Variants in TRRAP observed in about 807,000 individuals in gnomAD.
TRRAP encodes the protein transformation/transcription domain associated protein.
In TRRAP, 41 loss-of-function variants were observed where a neutral mutation model predicts 438.8. The observed-to-expected ratio is 0.09, with a 90% CI of 0.07 to 0.12. The LOEUF (loss-of-function observed/expected upper bound fraction) is 0.12, where lower values mean the gene tolerates loss of function less well. TRRAP is among the 10% of genes least tolerant of loss of function. TRRAP has a pLI of 1.00. For synonymous variants in TRRAP, 1,994 were observed against 1,962.9 expected (o/e 1.02, Z -0.42); for missense variants, 3,122 against 5,055.1 (o/e 0.62, Z 11.60).
chr7:98,904,483 CAAAAAAAAAA>C (rs59353514), intron 12 of TRRAP, among the ~76,000 whole-genome samples: 9 of 45,564 alleles, frequency 2.0e-4, no homozygotes, highest in African/African-American at 6.3e-4. Flanking sequence ...GACTCTGTCT[CAAAAAAAAAA>C]AAAAAAAAAA....
intron 45 of TRRAP, among the ~76,000 whole-genome samples, chr7:98,960,665 C>T (rs1399218247): frequency 2.0e-5 from 3 of 152,124 alleles, no homozygotes; most frequent in Non-Finnish European, 4.4e-5. Flanking sequence ...AGTCTTGGCT[C>T]ACTGCAACCT....
At chr7:98,973,298 G>GA (rs1024288526) in intron 53 of TRRAP, among the ~76,000 whole-genome samples, 4 of 152,026 alleles carry the variant, frequency 2.6e-5, no homozygotes, top group African/African-American at 9.7e-5. Context: ...GCCACCACCA[G>GA]AAAAAAGGGC....
At chr7:98,949,391 G>A (rs782100750) in intron 35 of TRRAP, 26 bp from the exon 36 acceptor site, 15 of 1,492,518 alleles carry the variant, frequency 1.0e-5, no homozygotes, top group South Asian at 4.3e-5. Context: ...AGCTTAAAAC[G>A]GCTTTTCTAT....
Position 98,984,076 on chromosome 7 carries a change from C to G in TRRAP, c.9023-17C>G. ...GAGGATCGGTGTGGGCTAATGATTC[C>G]TTTCTTTGCCCTCTAGCGATTGTAA... On this transcript the variant is annotated splice_polypyrimidine_tract_variant and intron_variant, in intron 60 of 72. Transcript: ENST00000456197. 1.3e-6 allele frequency: 2 copies of G among 1,565,388 alleles called. No individual in the cohort carries two copies. Among genetic ancestry groups the G allele is most frequent in the East Asian group, 2.3e-5 (1 of 43,910 alleles).
At position 98,961,332 on chromosome 7, in the gene TRRAP, C is replaced by T. The variant is rs1352368934; in HGVS notation, c.6561C>T (p.Val2187=). The change falls in exon 46 of 73, where the codon GTC becomes GTT. Residue 2187 remains valine, a synonymous_variant. Coordinates refer to ENST00000456197, the MANE Select transcript of TRRAP (RefSeq NM_001375524.1). ...GLEVLSFLLT[V]LQSPAILSSF... ...AAGTGCTGAGCTTCCTGCTAACTGT[C>T]CTCCAGTCCCCAGCCATCCTCAGTA... 2 of 1,614,238 alleles carry T rather than the reference C, an allele frequency of 1.2e-6. No homozygotes were observed. Among genetic ancestry groups the T allele is most frequent in the Admixed American group, 1.7e-5 (1 of 60,030 alleles).
chr7:98,898,935 C>G (rs1385894686), intron 8 of TRRAP, among the ~76,000 whole-genome samples: 1 of 152,210 alleles, frequency 6.6e-6, no homozygotes, highest in Non-Finnish European at 1.5e-5. Flanking sequence ...CACCTGTAAT[C>G]CCAGCACTTC....
At chr7:98,958,200 C>A in intron 44 of TRRAP, 109 bp downstream of exon 44, 2 of 889,144 alleles carry the variant, frequency 2.2e-6, no homozygotes, top group Non-Finnish European at 3.4e-6. Flanking sequence ...ACAGACAAAC[C>A]AAGGTCTGCC....
At chr7:98,920,531 C>T (rs538766615) in intron 20 of TRRAP, among the ~76,000 whole-genome samples, 2 of 152,012 alleles carry the variant, frequency 1.3e-5, no homozygotes, top group East Asian at 3.9e-4. Flanking sequence ...TTTTTAGGAC[C>T]TCTGATAATT....
At chr7:99,006,793 A>G (rs1448624310) in intron 69 of TRRAP, among the ~76,000 whole-genome samples, 2 of 152,252 alleles carry the variant, frequency 1.3e-5, no homozygotes, top group Admixed American at 6.5e-5. Flanking sequence ...ATATCTGAAT[A>G]TTCCCTGAAC....
Position 98,949,531 on chromosome 7 carries a change from T to C in TRRAP, c.4903T>C (p.Ser1635Pro). 6.2e-7 allele frequency: 1 copy of C among 1,604,958 alleles called. No homozygotes were observed. The highest frequency in any genetic ancestry group is 8.5e-7 in the Non-Finnish European group (1 of 1,176,112). ...GGAQTAVRPG[S>P]PSTSTMRLDL... The stretch of plus-strand genomic sequence containing the variant: ...TGCCCAGACGGCTGTGCGCCCCGGT[T>C]CGCCCAGCACCAGCACCATGCGCCT... Residue 1635 changes from serine to proline, a missense_variant, in exon 36 of 73, where the codon TCG (serine) becomes CCG (proline). Physicochemically the swap from Ser to Pro is moderately conservative, Grantham distance 74 (BLOSUM62 -1). Coordinates refer to ENST00000456197, the MANE Select transcript of TRRAP (RefSeq NM_001375524.1).
Position 98,908,971 on chromosome 7 carries a change from T to C in TRRAP, c.1350+9T>C. On this transcript the variant is annotated intron_variant, in intron 14 of 72. Transcript: ENST00000456197. This position sits in a 1 kb window ranked among gnomAD's most constrained non-coding sequence, Gnocchi z 4.1. Reference sequence around the variant, plus strand: ...TGATGCGGATGCTGGAGGTACCAGCTCTTCTGAGAGTATCATCCATCCTGC... The same window carrying C: ...TGATGCGGATGCTGGAGGTACCAGCCCTTCTGAGAGTATCATCCATCCTGC... The C allele has an allele frequency of 6.2e-7, 1 of 1,609,022 alleles. No homozygotes were observed. Among genetic ancestry groups the C allele is most frequent in the Non-Finnish European group, 8.5e-7 (1 of 1,177,146 alleles).
intron 23 of TRRAP, among the ~76,000 whole-genome samples, chr7:98,928,546 C>T (rs1278369908): frequency 1.3e-5 from 2 of 152,180 alleles, no homozygotes; most frequent in Non-Finnish European, 2.9e-5. Flanking sequence ...AACTAAGCTT[C>T]TCAGTAACTT....
chr7:98,900,251 CTG>C (rs2116348359), intron 10 of TRRAP, among the ~76,000 whole-genome samples: 1 of 152,248 alleles, frequency 6.6e-6, no homozygotes, highest in Admixed American at 6.5e-5. Flanking sequence ...GCCCGTCTGG[CTG>C]TGTCATTTGA....
chr7:98,962,645 T>G (rs1791963576), intron 47 of TRRAP, among the ~76,000 whole-genome samples: 1 of 152,240 alleles, frequency 6.6e-6, no homozygotes, highest in Non-Finnish European at 1.5e-5. Flanking sequence ...CTCCTCAGCT[T>G]CCAGCACAGG....
Position 98,927,207 on chromosome 7 carries a change from C to A in TRRAP, c.3016C>A (p.Arg1006Ser). 6.2e-7 allele frequency: 1 copy of A among 1,614,220 alleles called. No individual in the cohort carries two copies. The highest frequency in any genetic ancestry group is 8.5e-7 in the Non-Finnish European group (1 of 1,180,042). ...CATCCCCAATGTTATCATCTCACAT[C>A]GCTACAAAGCCCAGGACACTCCAGC... ...KTIPNVIISH[R>S]YKAQDTPARK... is the part of the protein sequence containing the mutation. The change falls in exon 23 of 73, where the codon CGC becomes AGC. Residue 1006 changes from arginine to serine, a missense_variant. This residue lies in a region of TRRAP where 133 missense variants were observed against 188.6 expected (regional missense o/e 0.71). Coordinates refer to ENST00000456197, the MANE Select transcript of TRRAP (RefSeq NM_001375524.1).
intron 20 of TRRAP, 26 bp from the exon 21 acceptor site, chr7:98,921,727 C>G: frequency 6.2e-7 from 1 of 1,613,338 alleles, no homozygotes; most frequent in Non-Finnish European, 8.5e-7. Flanking sequence ...TTAAGAGGAC[C>G]TTAATGAAAG....
chr7:98,968,957 G>T (rs1274985980), intron 51 of TRRAP, among the ~76,000 whole-genome samples: 2 of 152,232 alleles, frequency 1.3e-5, no homozygotes, highest in Non-Finnish European at 2.9e-5. Flanking sequence ...ATTGGCTGTG[G>T]CAGGTCCATG....
At position 98,936,316 on chromosome 7, in the gene TRRAP, A is replaced by G. The variant is rs538343063; in HGVS notation, c.4111+641A>G. The stretch of plus-strand genomic sequence containing the variant: ...AGAGGCAGACCATAATACCTGAGCT[A>G]GAAGATGGGGTGGAGTGTTCCAGAC... On this transcript the variant is annotated intron_variant, in intron 28 of 72. Transcript: ENST00000456197. Among the ~76,000 whole-genome samples the G allele has an allele frequency of 4.6e-5, 7 of 152,278 alleles. No homozygotes were observed. The South Asian group carries it at 6.2e-4, about 14-fold the overall frequency.
intron 11 of TRRAP, among the ~76,000 whole-genome samples, chr7:98,900,988 A>G (rs1421099421): frequency 1.3e-5 from 2 of 152,238 alleles, no homozygotes; most frequent in Non-Finnish European, 2.9e-5. Flanking sequence ...CTAAATGGAA[A>G]TGTCCAGTGT....
Sources: gnomAD v4.1 joint callset for allele counts (sites outside exome capture counted in the v4.1 genomes callset) on GRCh38, gnomAD v4.1.1 for gene constraint, gnomAD v4.1.1 regional missense constraint, Gnocchi (gnomAD v3.1) non-coding constraint, MANE v1.5 for transcripts, NCBI Gene and HGNC (gene_info 2026-07-23, HGNC 2026-07-21) for gene names.